Variants in SEMA3E observed in about 807,000 individuals in gnomAD.
SEMA3E encodes the protein semaphorin 3E.
In SEMA3E, 49 loss-of-function variants were observed where a neutral mutation model predicts 93.6. The ratio of observed to expected loss-of-function variants is 0.52; its 90% CI spans 0.42 to 0.66. The LOEUF (loss-of-function observed/expected upper bound fraction) is 0.66, where lower values mean the gene tolerates loss of function less well. SEMA3E is among the 30% of genes least tolerant of loss of function. The probability of loss-of-function intolerance (pLI) is 0.00; values close to 1 mark genes in which losing one functional copy is unlikely to be tolerated. For missense variants in SEMA3E, 906 were observed against 964.8 expected (o/e 0.94, Z 0.81); for synonymous variants, 363 against 330.7 (o/e 1.10, Z -1.06).
chr7:83,439,130 A>T (rs1452024017), intron 4 of SEMA3E, among the ~76,000 whole-genome samples: 1 of 152,178 alleles, frequency 6.6e-6, no homozygotes, highest in Non-Finnish European at 1.5e-5. Flanking sequence ...ATAATTCTTC[A>T]GTTCTAAATC....
Position 83,627,700 on chromosome 7 carries a change from C to T in SEMA3E, c.115+20728G>A, listed in dbSNP as rs1031078664. Among the ~76,000 whole-genome samples the T allele has an allele frequency of 1.2e-4, 16 of 138,028 alleles. 1 individual carries two copies. Among genetic ancestry groups the T allele is most frequent in the Admixed American group, 1.1e-3 (15 of 13,224 alleles). 90.6% of individuals were successfully genotyped at this position (138,028 alleles called of 152,430 possible). A position where few individuals can be genotyped will look rare whatever the true frequency, so the allele number is the denominator to read the frequency against. ...CTTCCTACAACCCTTTATTTTGAGC[C>T]TATGTATGTCTTTGTATGTGAGATA... On this transcript the variant is annotated intron_variant, in intron 1 of 16. Coordinates refer to ENST00000643230, the MANE Select transcript of SEMA3E (RefSeq NM_012431.3).
chr7:83,450,605 T>C (rs974949140), intron 4 of SEMA3E, among the ~76,000 whole-genome samples: 1 of 152,088 alleles, frequency 6.6e-6, no homozygotes, highest in South Asian at 2.1e-4. Context: ...GGGGTAGTTA[T>C]TGAAGGGGGA....
intron 1 of SEMA3E, among the ~76,000 whole-genome samples, chr7:83,508,124 T>G (rs1421437561): frequency 6.6e-6 from 1 of 152,174 alleles, no homozygotes; most frequent in Non-Finnish European, 1.5e-5. Flanking sequence ...GCCTCCTTAT[T>G]TTCCTTGTAA....
chr7:83,611,307 A>C, intron 1 of SEMA3E, among the ~76,000 whole-genome samples: 1 of 144,234 alleles, frequency 6.9e-6, no homozygotes, highest in East Asian at 2.0e-4. Flanking sequence ...TATTATATAT[A>C]TAAATTTATG....
chr7:83,423,927 C>T (rs1788720254), intron 4 of SEMA3E, among the ~76,000 whole-genome samples: 1 of 152,004 alleles, frequency 6.6e-6, no homozygotes, highest in Non-Finnish European at 1.5e-5. Flanking sequence ...CTCCAATAAC[C>T]TGTGGAAAAA....
intron 1 of SEMA3E, among the ~76,000 whole-genome samples, chr7:83,521,774 C>T (rs1791054629): frequency 6.6e-6 from 1 of 152,078 alleles, no homozygotes; most frequent in Non-Finnish European, 1.5e-5. Context: ...GGAGTGCCCT[C>T]CTGTCTCTTC....
chr7:83,528,114 A>C (rs1791201264), intron 1 of SEMA3E, among the ~76,000 whole-genome samples: 1 of 151,568 alleles, frequency 6.6e-6, no homozygotes, highest in African/African-American at 2.4e-5. Context: ...TTTTGGTAGG[A>C]AAAAGTAACT....
Position 83,412,741 on chromosome 7 carries a change from A to G in SEMA3E, c.551-4254T>C, listed in dbSNP as rs1048667065. 4.3e-5 allele frequency among the ~76,000 whole-genome samples: 6 copies of G among 138,256 alleles called. No homozygotes were observed. The Admixed American group carries it at 4.7e-4, about 11-fold the overall frequency. The allele number at this position is 138,256 out of a possible 152,430, so 90.7% of individuals were successfully genotyped here. A position where few individuals can be genotyped will look rare whatever the true frequency, so the allele number is the denominator to read the frequency against. On this transcript the variant is annotated intron_variant, in intron 5 of 16. Coordinates refer to ENST00000643230, the MANE Select transcript of SEMA3E (RefSeq NM_012431.3). Reference sequence around the variant, plus strand: ...TGTGCTACTGCACTCCAGCCGAGCCAGACCCTGCCTAAAAAAAGATAAAAA... The same window carrying G: ...TGTGCTACTGCACTCCAGCCGAGCCGGACCCTGCCTAAAAAAAGATAAAAA...
chr7:83,592,513 G>GACCTGAAACATTTTCAAAC (rs1423940845), intron 1 of SEMA3E, among the ~76,000 whole-genome samples: 1 of 152,058 alleles, frequency 6.6e-6, no homozygotes, highest in Non-Finnish European at 1.5e-5. Flanking sequence ...TAAGCTAAAA[G>GACCTGAAACATTTTCAAAC]ACCTGAAACA....
intron 16 of SEMA3E, among the ~76,000 whole-genome samples, chr7:83,378,504 C>G (rs17212810): frequency 0.12 from 18,943 of 151,754 alleles, 1,331 homozygotes; most frequent in Middle Eastern, 0.19. Flanking sequence ...CTTTGTCATT[C>G]GAATATTTTG....
At chr7:83,605,804 T>C (rs1793104670) in intron 1 of SEMA3E, among the ~76,000 whole-genome samples, 1 of 152,178 alleles carries the variant, frequency 6.6e-6, no homozygotes, top group African/African-American at 2.4e-5. Context: ...TTGGTCTTTT[T>C]CTTGTAAATT....
chr7:83,513,550 C>T (rs1790866914), intron 1 of SEMA3E, among the ~76,000 whole-genome samples: 1 of 152,102 alleles, frequency 6.6e-6, no homozygotes, highest in Non-Finnish European at 1.5e-5. Flanking sequence ...GGGGACATTG[C>T]CACAAAATTA....
chr7:83,436,287 T>A (rs1407814039), intron 4 of SEMA3E, among the ~76,000 whole-genome samples: 1 of 151,316 alleles, frequency 6.6e-6, no homozygotes, highest in Non-Finnish European at 1.5e-5. Context: ...TGTTGTCTGA[T>A]CTAATAAACT....
At chr7:83,613,766 C>CT (rs1268499269) in intron 1 of SEMA3E, among the ~76,000 whole-genome samples, 1 of 152,012 alleles carries the variant, frequency 6.6e-6, no homozygotes, top group Non-Finnish European at 1.5e-5. Flanking sequence ...AAATAAAATA[C>CT]TTTTCATGTA....
chr7:83,381,538 C>T (rs1787779901), intron 16 of SEMA3E, among the ~76,000 whole-genome samples: 1 of 151,880 alleles, frequency 6.6e-6, no homozygotes, highest in Admixed American at 6.6e-5. Context: ...TTTAATCTCC[C>T]TTGCATTTTT....
intron 1 of SEMA3E, among the ~76,000 whole-genome samples, chr7:83,625,985 T>A (rs1793661426): frequency 6.6e-6 from 1 of 152,194 alleles, no homozygotes; most frequent in Admixed American, 6.5e-5. Context: ...TGTAATTGGT[T>A]CTGTTTATGC....
intron 5 of SEMA3E, among the ~76,000 whole-genome samples, chr7:83,413,854 G>C (rs1788490304): frequency 6.6e-6 from 1 of 152,194 alleles, no homozygotes; most frequent in East Asian, 1.9e-4. Context: ...GCAAACCAAT[G>C]ATATTGATAC....
intron 4 of SEMA3E, among the ~76,000 whole-genome samples, chr7:83,447,757 G>T (rs1361987708): frequency 6.6e-6 from 1 of 152,220 alleles, no homozygotes; most frequent in South Asian, 2.1e-4. Flanking sequence ...CGATAGGCCA[G>T]TAAACAAAGG....
At chr7:83,391,310 A>G (rs1336370288) in intron 14 of SEMA3E, among the ~76,000 whole-genome samples, 1 of 152,158 alleles carries the variant, frequency 6.6e-6, no homozygotes, top group Admixed American at 6.6e-5. Context: ...TACTACTATC[A>G]TTATCTACAA....
Sources: gnomAD v4.1 joint callset for allele counts (sites outside exome capture counted in the v4.1 genomes callset) on GRCh38, gnomAD v4.1.1 for gene constraint, MANE v1.5 for transcripts, NCBI Gene and HGNC (gene_info 2026-07-23, HGNC 2026-07-21) for gene names.